ETV6: variants seen among roughly 807,000 people sequenced by gnomAD.
ETV6 encodes the protein ETS variant transcription factor 6, also known as transcription factor ETV6.
ETV6 carries 16 observed loss-of-function variants against 51.1 expected under a neutral mutation model. The observed-to-expected ratio is 0.31, with a 90% CI of 0.21 to 0.48. The LOEUF (loss-of-function observed/expected upper bound fraction) is 0.48, where lower values mean the gene tolerates loss of function less well. Ranked by LOEUF, ETV6 falls within the 20% of genes least tolerant of loss-of-function variation. The probability of loss-of-function intolerance (pLI) is 0.99; values close to 1 mark genes in which losing one functional copy is unlikely to be tolerated. For synonymous variants in ETV6, 240 were observed against 224.1 expected, an observed-to-expected ratio of 1.07 and a Z score of -0.64; for missense variants, 458 against 594.8, an observed-to-expected ratio of 0.77 and a Z score of 2.39.
At chr12:11,801,713 T>G (rs1482849499) in intron 2 of ETV6, among the ~76,000 whole-genome samples, 1 of 152,164 alleles carries the variant, frequency 6.6e-6, no homozygotes, top group African/African-American at 2.4e-5. Flanking sequence ...GGAATCAAAC[T>G]CAGATATGAC....
rs1947320006 is a variant in ETV6, at chr12:11,893,060, T to C, written c.*2014T>C. On this transcript the variant is annotated 3_prime_UTR_variant, in exon 8 of 8. Coordinates refer to ENST00000396373, the MANE Select transcript of ETV6 (RefSeq NM_001987.5). ...GGGTCTCAGTCTGCTTGAATGGTGA[T>C]GAGATTCTGCTGGATCTCAGCACGC... 1.7e-5 allele frequency: 4 copies of C among 232,666 alleles called. No individual in the cohort carries two copies. Among genetic ancestry groups the C allele is most frequent in the Non-Finnish European group, 3.4e-5 (4 of 117,756 alleles). 14.4% of individuals were successfully genotyped at this position (232,666 alleles called of 1,614,324 possible).
intron 2 of ETV6, among the ~76,000 whole-genome samples, chr12:11,774,103 A>T (rs1295857826): frequency 6.6e-6 from 1 of 152,194 alleles, no homozygotes; most frequent in African/African-American, 2.4e-5. Context: ...GGCCCATGGA[A>T]GAGGAAGTTG....
chr12:11,690,189 CCTT>C (rs200234346), intron 1 of ETV6, among the ~76,000 whole-genome samples: 1,636 of 151,322 alleles, frequency 0.011, 33 homozygotes, highest in African/African-American at 0.038. Context: ...CTTCTTGTCT[CCTT>C]CTGCTTGATA....
chr12:11,729,405 C>A (rs1591635874), intron 1 of ETV6, among the ~76,000 whole-genome samples: 1 of 152,224 alleles, frequency 6.6e-6, no homozygotes, highest in East Asian at 1.9e-4. Context: ...TGCCAGGCAG[C>A]CATGTGGGAT....
chr12:11,877,418 G>A (rs1947008006), intron 5 of ETV6, among the ~76,000 whole-genome samples: 1 of 152,122 alleles, frequency 6.6e-6, no homozygotes, highest in African/African-American at 2.4e-5. Flanking sequence ...GCAAGTCTCA[G>A]CCCTCGGCCT....
At chr12:11,788,357 G>A (rs902658121) in intron 2 of ETV6, among the ~76,000 whole-genome samples, 8 of 151,918 alleles carry the variant, frequency 5.3e-5, no homozygotes, top group African/African-American at 1.7e-4. Flanking sequence ...GTAACCAAAC[G>A]CAGCAATTCT....
chr12:11,871,275 G>C (rs1480252254), intron 5 of ETV6, among the ~76,000 whole-genome samples: 3 of 141,520 alleles, frequency 2.1e-5, no homozygotes, highest in African/African-American at 8.0e-5. Flanking sequence ...TGCAAGCTCC[G>C]CCTCCCGGGT....
intron 2 of ETV6, among the ~76,000 whole-genome samples, chr12:11,770,167 G>C (rs911429048): frequency 6.6e-6 from 1 of 152,086 alleles, no homozygotes; most frequent in Non-Finnish European, 1.5e-5. Flanking sequence ...CAAGGAAACA[G>C]CTCTGGGGAA....
rs368865683 is a variant in ETV6, at chr12:11,656,166, C to T, written c.33+6006C>T. 1.8e-4 allele frequency among the ~76,000 whole-genome samples: 27 copies of T among 152,268 alleles called. 1 individual carries two copies. The Middle Eastern group carries it at 0.01, about 58-fold the overall frequency. On this transcript the variant is annotated intron_variant, in intron 1 of 7. Transcript: ENST00000396373. ...ATTATCTCATTTACTCTTCACAGCTCTCTATGGATGCAGTTTTTCTCTCCA... is the reference window on the plus strand; with the variant it reads ...ATTATCTCATTTACTCTTCACAGCTTTCTATGGATGCAGTTTTTCTCTCCA...
chr12:11,895,246 G>A lies in ETV6; in HGVS notation c.*4200G>A. ...GTTTCTAATCTCTTGTTTATGAGGTGTGGGGTTTATAAGGGACTGAATCAA... is the reference window on the plus strand; with the variant it reads ...GTTTCTAATCTCTTGTTTATGAGGTATGGGGTTTATAAGGGACTGAATCAA... On this transcript the variant is annotated 3_prime_UTR_variant, in exon 8 of 8. Transcript: ENST00000396373. 1 of 231,482 alleles carries A rather than the reference G, an allele frequency of 4.3e-6. No individual in the cohort carries two copies. The highest frequency in any genetic ancestry group is 6.1e-5 in the East Asian group (1 of 16,408). 14.3% of individuals were successfully genotyped at this position (231,482 alleles called of 1,614,324 possible).
rs534952074 is a variant in ETV6 at position 11,888,826 on chromosome 12, G to A, written c.1254-2115G>A. 1.4e-4 allele frequency among the ~76,000 whole-genome samples: 21 copies of A among 152,200 alleles called. No homozygotes were observed. The East Asian group carries it at 1.5e-3, about 11-fold the overall frequency. Reference sequence around the variant, plus strand: ...AAGCCATCCTCCTGCCTCAGCCTCCGGAGTAGCTAGAGCGACTACAGGATT... The same window carrying A: ...AAGCCATCCTCCTGCCTCAGCCTCCAGAGTAGCTAGAGCGACTACAGGATT... On this transcript the variant is annotated intron_variant, in intron 7 of 7. Coordinates refer to ENST00000396373, the MANE Select transcript of ETV6 (RefSeq NM_001987.5).
In ETV6 at chr12:11,869,626, G is replaced by T; in HGVS notation, c.666G>T (p.Arg222Ser). Residue 222 changes from arginine (R) to serine (S), a missense_variant, in exon 5 of 8, where the codon AGG becomes AGT. Coordinates refer to ENST00000396373, the MANE Select transcript of ETV6 (RefSeq NM_001987.5). This position sits in a 1 kb window ranked among gnomAD's most constrained non-coding sequence, Gnocchi z 5.0. Reference protein sequence around the residue: ...LSPAERAQGPRPHQENNHQES... With the variant: ...LSPAERAQGPSPHQENNHQES... ...CGGCTGAGAGAGCTCAGGGACCCAG[G>T]CCGCACCAGGAGAACAACCACCAGG... is the stretch of plus-strand genomic sequence containing the variant. The T allele has an allele frequency of 6.2e-7, 1 of 1,614,118 alleles. No homozygotes were observed. The highest frequency in any genetic ancestry group is 1.1e-5 in the South Asian group (1 of 91,076).
At chr12:11,784,458 CAAAAA>C (rs33973168) in intron 2 of ETV6, among the ~76,000 whole-genome samples, 1 of 118,278 alleles carries the variant, frequency 8.5e-6, no homozygotes, top group Non-Finnish European at 1.8e-5. Context: ...GACTCCATCT[CAAAAA>C]AAAAAAAAAA....
chr12:11,818,792 A>G (rs1336552999), intron 2 of ETV6, among the ~76,000 whole-genome samples: 1 of 151,610 alleles, frequency 6.6e-6, no homozygotes, highest in Non-Finnish European at 1.5e-5. Context: ...AGTCCCTCCT[A>G]CCCCTGCAGC....
intron 2 of ETV6, among the ~76,000 whole-genome samples, chr12:11,831,246 A>G (rs1946240628): frequency 1.3e-5 from 2 of 152,134 alleles, no homozygotes; most frequent in South Asian, 4.2e-4. Context: ...TTTGTTTTGA[A>G]ATAGAGTCTC....
At chr12:11,675,921 T>G (rs1864414327) in intron 1 of ETV6, among the ~76,000 whole-genome samples, 2 of 151,406 alleles carry the variant, frequency 1.3e-5, no homozygotes, top group African/African-American at 4.9e-5. Flanking sequence ...GAGAAATTGA[T>G]GCAGGAAGAA....
Position 11,891,618 on chromosome 12 carries a change from T to TA in ETV6, c.*578dup. ...CTTGGCTGAAAAAAAAAAATGCTTTTAAAAAAGATAAAATGAAAAGGAGAG... is the reference window on the plus strand; with the variant it reads ...CTTGGCTGAAAAAAAAAAATGCTTTTAAAAAAAGATAAAATGAAAAGGAGAG... On this transcript the variant is annotated 3_prime_UTR_variant, in exon 8 of 8. Coordinates refer to ENST00000396373, the MANE Select transcript of ETV6 (RefSeq NM_001987.5). The TA allele has an allele frequency of 1.9e-6, 1 of 530,050 alleles. No individual in the cohort carries two copies. The highest frequency in any genetic ancestry group is 1.6e-5 in the South Asian group (1 of 63,564). The allele number at this position is 530,050 out of a possible 1,614,324, so 32.8% of individuals were successfully genotyped here. A position where few individuals can be genotyped will look rare whatever the true frequency, so the allele number is the denominator to read the frequency against.
At chr12:11,713,001 T>C (rs569751338) in intron 1 of ETV6, among the ~76,000 whole-genome samples, 1 of 152,244 alleles carries the variant, frequency 6.6e-6, no homozygotes, top group African/African-American at 2.4e-5. Context: ...CTCTGACACC[T>C]GCCCTTCACC....
intron 1 of ETV6, among the ~76,000 whole-genome samples, chr12:11,714,525 T>C (rs911152246): frequency 6.6e-6 from 1 of 151,934 alleles, no homozygotes; most frequent in Non-Finnish European, 1.5e-5. Flanking sequence ...CTTTATGAAC[T>C]ACCTACTACA....
Sources: allele counts gnomAD v4.1 joint callset (sites outside exome capture counted in the v4.1 genomes callset), GRCh38; gene constraint gnomAD v4.1.1; non-coding constraint Gnocchi (gnomAD v3.1); transcripts MANE v1.5; gene names NCBI Gene and HGNC (gene_info 2026-07-23, HGNC 2026-07-21).